Variants in WWOX observed in about 807,000 individuals in gnomAD.
WWOX encodes the protein WW domain containing oxidoreductase, also known as WW domain-containing oxidoreductase.
Under a neutral mutation model 46.2 loss-of-function variants are expected in WWOX, and 69 were observed. The ratio of observed to expected loss-of-function variants is 1.49; its 90% CI spans 1.23 to 1.82. The LOEUF is 1.82. WWOX is among the 40% of genes most tolerant of loss of function. The pLI is 0.00. For missense variants in WWOX, 919 were observed against 542.6 expected (o/e 1.69, Z -6.89); for synonymous variants, 359 against 202.6 (o/e 1.77, Z -6.56).
chr16:78,256,149 C>CAAAA (rs10557567), intron 5 of WWOX, among the ~76,000 whole-genome samples: 9 of 65,464 alleles, frequency 1.4e-4, no homozygotes, highest in South Asian at 6.8e-4. Context: ...GACTCCATCT[C>CAAAA]AAAAAAAAAA....
intron 8 of WWOX, among the ~76,000 whole-genome samples, chr16:78,561,769 G>A (rs1323053331): frequency 6.6e-6 from 1 of 152,162 alleles, no homozygotes; most frequent in Non-Finnish European, 1.5e-5. Flanking sequence ...CTTCACCTGT[G>A]AGCCGAGCAA....
At chr16:78,448,743 C>G (rs898340516) in intron 8 of WWOX, among the ~76,000 whole-genome samples, 1 of 152,132 alleles carries the variant, frequency 6.6e-6, no homozygotes, top group Non-Finnish European at 1.5e-5. Flanking sequence ...GAGGAATAAT[C>G]ATGTCTTCTC....
intron 8 of WWOX, among the ~76,000 whole-genome samples, chr16:78,955,060 G>A (rs1330480892): frequency 6.6e-6 from 1 of 152,144 alleles, no homozygotes; most frequent in Non-Finnish European, 1.5e-5. Flanking sequence ...CAAAGTATTG[G>A]GAATGTATTC....
chr16:78,986,540 G>A (rs2046788185), intron 8 of WWOX, among the ~76,000 whole-genome samples: 1 of 152,198 alleles, frequency 6.6e-6, no homozygotes, highest in South Asian at 2.1e-4. Flanking sequence ...TGCAGAGAGT[G>A]AGGATAAATA....
chr16:78,729,153 G>A (rs1187118187), intron 8 of WWOX, among the ~76,000 whole-genome samples: 1 of 151,842 alleles, frequency 6.6e-6, no homozygotes, highest in African/African-American at 2.4e-5. Context: ...GACCAGCCTG[G>A]CCAACATGGT....
At chr16:79,027,470 A>T (rs2047668980) in intron 8 of WWOX, among the ~76,000 whole-genome samples, 1 of 151,698 alleles carries the variant, frequency 6.6e-6, no homozygotes, top group Admixed American at 6.6e-5. Flanking sequence ...TGATACTAAG[A>T]AGAGCCTCCA....
chr16:78,925,598 G>T (rs2045480004), intron 8 of WWOX, among the ~76,000 whole-genome samples: 2 of 152,178 alleles, frequency 1.3e-5, no homozygotes, highest in Admixed American at 1.3e-4. Flanking sequence ...GGGAGGAGAT[G>T]CACATTTTAA....
chr16:78,209,458 T>C (rs1381293206), intron 5 of WWOX, among the ~76,000 whole-genome samples: 1 of 152,214 alleles, frequency 6.6e-6, no homozygotes, highest in African/African-American at 2.4e-5. Flanking sequence ...TTTTTATGAA[T>C]ATGTTTCAAT....
chr16:78,595,829 A>G (rs2151609420), intron 8 of WWOX, among the ~76,000 whole-genome samples: 1 of 152,370 alleles, frequency 6.6e-6, no homozygotes, highest in African/African-American at 2.4e-5. Context: ...CTGTTCTGAA[A>G]TATGCAATAC....
At chr16:78,954,589 G>C (rs2046127467) in intron 8 of WWOX, among the ~76,000 whole-genome samples, 1 of 152,100 alleles carries the variant, frequency 6.6e-6, no homozygotes, top group Admixed American at 6.6e-5. Context: ...CCAGTGCCAG[G>C]GGCTGGAAAC....
chr16:78,538,258 G>GGTT (rs140173745), intron 8 of WWOX, among the ~76,000 whole-genome samples: 1,973 of 149,126 alleles, frequency 0.013, 42 homozygotes, highest in African/African-American at 0.039. Context: ...CGGGGCAAGG[G>GGTT]GTTGGAGAAT....
intron 8 of WWOX, among the ~76,000 whole-genome samples, chr16:78,606,718 GTTTTTTTTTT>G (rs59612285): frequency 1.2e-4 from 14 of 121,066 alleles, no homozygotes; most frequent in African/African-American, 4.4e-4. Context: ...CAGAATTGCA[GTTTTTTTTTT>G]TTTTTTTTTT....
At chr16:78,305,258 G>A (rs769503508) in intron 5 of WWOX, among the ~76,000 whole-genome samples, 2 of 151,754 alleles carry the variant, frequency 1.3e-5, no homozygotes, top group Non-Finnish European at 2.9e-5. Flanking sequence ...CATGGAGACC[G>A]GGGCCCTCCA....
At chr16:79,049,378 T>C (rs2048124420) in intron 8 of WWOX, among the ~76,000 whole-genome samples, 3 of 152,198 alleles carry the variant, frequency 2.0e-5, no homozygotes, top group Admixed American at 2.0e-4. Context: ...AATTGAGTAA[T>C]GTGGATGAGG....
At chr16:79,160,348 G>C (rs948554467) in intron 8 of WWOX, among the ~76,000 whole-genome samples, 1 of 152,114 alleles carries the variant, frequency 6.6e-6, no homozygotes, top group African/African-American at 2.4e-5. Context: ...GCGGGAGGTG[G>C]AGGGTTGCTA....
chr16:78,518,367 G>A (rs993369738), intron 8 of WWOX, among the ~76,000 whole-genome samples: 2 of 152,058 alleles, frequency 1.3e-5, no homozygotes, highest in Non-Finnish European at 2.9e-5. Context: ...GAGTAGCTGG[G>A]ACTATAGGCA....
chr16:78,579,707 G>T lies in WWOX; in HGVS notation c.1056+146955G>T, dbSNP rs16948109. ...CGGAGAAGTGGGATAAGAACTATGT[G>T]TGTTTTCACTTCTTCTTTCTTTAGA... On this transcript the variant is annotated intron_variant, in intron 8 of 8. Coordinates refer to ENST00000566780, the MANE Select transcript of WWOX (RefSeq NM_016373.4). 5.5e-3 allele frequency among the ~76,000 whole-genome samples: 836 copies of T among 152,308 alleles called. 4 individuals carry two copies. The highest frequency in any genetic ancestry group is 0.019 in the African/African-American group (791 of 41,566).
At chr16:78,992,331 G>T (rs2046904564) in intron 8 of WWOX, among the ~76,000 whole-genome samples, 1 of 152,110 alleles carries the variant, frequency 6.6e-6, no homozygotes, top group Admixed American at 6.5e-5. Flanking sequence ...GCCAGGTGTG[G>T]TGGTGGGTGC....
At chr16:78,298,169 T>TTTA (rs2079972468) in intron 5 of WWOX, among the ~76,000 whole-genome samples, 1 of 152,188 alleles carries the variant, frequency 6.6e-6, no homozygotes, top group Non-Finnish European at 1.5e-5. Context: ...TGTGAATCAA[T>TTTA]TAAACCTCTT....
Sources: gnomAD v4.1 joint callset for allele counts (sites outside exome capture counted in the v4.1 genomes callset) on GRCh38, gnomAD v4.1.1 for gene constraint, MANE v1.5 for transcripts, NCBI Gene and HGNC (gene_info 2026-07-23, HGNC 2026-07-21) for gene names.